The following PCDH15 variants were observed in gnomAD, a reference collection of about 807,000 sequenced individuals.
PCDH15 encodes the protein protocadherin related 15.
A neutral mutation model predicts 178.5 loss-of-function variants in PCDH15; 129 were observed. That is an observed-to-expected ratio of 0.72 (90% CI 0.63 to 0.84). PCDH15 has a LOEUF of 0.84. PCDH15 is among the 40% of genes least tolerant of loss of function. The pLI is 0.00. For missense variants in PCDH15, 2,230 were observed against 2,099.9 expected (o/e 1.06, Z -1.21); for synonymous variants, 800 against 732.0 (o/e 1.09, Z -1.50).
At chr10:55,443,258 G>A (rs11004864) in intron 2 of PCDH15, among the ~76,000 whole-genome samples, 47,075 of 151,930 alleles carry the variant, frequency 0.31, 7,522 homozygotes, top group African/African-American at 0.37. Context: ...AGCAAGAAAA[G>A]CATTTGCAAC....
intron 18 of PCDH15, among the ~76,000 whole-genome samples, chr10:54,028,381 G>A (rs1286932453): frequency 2.7e-5 from 4 of 148,870 alleles, no homozygotes; most frequent in African/African-American, 4.9e-5. Flanking sequence ...TCAGTGTGGC[G>A]ATTCCTCAGG....
chr10:54,403,934 G>T (rs576214021), intron 3 of PCDH15, among the ~76,000 whole-genome samples: 219 of 151,404 alleles, frequency 1.4e-3, no homozygotes, highest in South Asian at 4.4e-3. Context: ...CTCTACCAAA[G>T]AACTACAAAA....
At chr10:54,931,625 T>C (rs1426425680) in intron 2 of PCDH15, among the ~76,000 whole-genome samples, 1 of 152,200 alleles carries the variant, frequency 6.6e-6, no homozygotes, top group African/African-American at 2.4e-5. Context: ...TCCTGAACTT[T>C]AGGAAGTCCT....
chr10:55,035,081 TA>T (rs1313661236), intron 2 of PCDH15, among the ~76,000 whole-genome samples: 1 of 152,188 alleles, frequency 6.6e-6, no homozygotes, highest in Non-Finnish European at 1.5e-5. Flanking sequence ...AGATAGATAC[TA>T]TTTCAAATTA....
At chr10:54,612,580 TAAAAGTTTGAAAA>T (rs1156920368) in intron 2 of PCDH15, among the ~76,000 whole-genome samples, 1 of 151,748 alleles carries the variant, frequency 6.6e-6, no homozygotes, top group African/African-American at 2.4e-5. Context: ...AAACATAATC[TAAAAGTTTGAAAA>T]ACAAACTGCA....
intron 2 of PCDH15, among the ~76,000 whole-genome samples, chr10:55,080,936 G>A (rs1842025945): frequency 6.6e-6 from 1 of 152,088 alleles, no homozygotes. Context: ...ATGCAGAAAG[G>A]GAAAAGGAAC....
chr10:54,527,170 C>T (rs894644953), intron 3 of PCDH15, among the ~76,000 whole-genome samples: 3 of 151,910 alleles, frequency 2.0e-5, no homozygotes, highest in African/African-American at 4.8e-5. Context: ...TCTACATTAA[C>T]GTTCAGAGAG....
chr10:54,936,137 ATAACATGGGGTCTT>A (rs1837901172), intron 2 of PCDH15, among the ~76,000 whole-genome samples: 1 of 152,024 alleles, frequency 6.6e-6, no homozygotes, highest in Non-Finnish European at 1.5e-5. Flanking sequence ...GTGGACTCAT[ATAACATGGGGTCTT>A]TATATGACTG....
chr10:55,197,543 C>T lies in PCDH15; in HGVS notation c.-155-30892G>A, dbSNP rs376279939. On this transcript the variant is annotated intron_variant, in intron 1 of 5. Transcript: ENST00000458638. The stretch of plus-strand genomic sequence containing the variant: ...TTGAACCTTCAGATTCTTAAAAATG[C>T]CATAATGTCAGTATAACACAATAAT... 4.3e-4 allele frequency among the ~76,000 whole-genome samples: 66 copies of T among 152,152 alleles called. 1 individual carries two copies. The highest frequency in any genetic ancestry group is 1.5e-3 in the African/African-American group (64 of 41,500).
chr10:54,681,374 G>A (rs1170781805), intron 1 of PCDH15, among the ~76,000 whole-genome samples: 6 of 152,192 alleles, frequency 3.9e-5, no homozygotes, highest in Admixed American at 1.3e-4. Flanking sequence ...GCTATCTACG[G>A]AGGATGTACA....
intron 8 of PCDH15, among the ~76,000 whole-genome samples, chr10:54,258,894 C>T (rs941692596): frequency 1.3e-4 from 20 of 152,076 alleles, no homozygotes; most frequent in Non-Finnish European, 1.9e-4. Context: ...TTTTGTTTTT[C>T]GTTTTGCATT....
intron 1 of PCDH15, among the ~76,000 whole-genome samples, chr10:54,736,258 G>A (rs1388420736): frequency 6.6e-6 from 1 of 151,992 alleles, no homozygotes; most frequent in Non-Finnish European, 1.5e-5. Flanking sequence ...CATTTTAGTA[G>A]ACAATCCTTC....
chr10:55,611,729 A>G (rs1843370224), intron 2 of PCDH15, among the ~76,000 whole-genome samples: 1 of 152,136 alleles, frequency 6.6e-6, no homozygotes, highest in Non-Finnish European at 1.5e-5. Flanking sequence ...CATTATTCAC[A>G]ATAGCCAAGA....
chr10:53,925,805 G>A (rs2084488031), intron 25 of PCDH15, among the ~76,000 whole-genome samples: 1 of 152,104 alleles, frequency 6.6e-6, no homozygotes, highest in Admixed American at 6.5e-5. Flanking sequence ...GCTTATGGGA[G>A]GTCAAGAGAT....
intron 2 of PCDH15, among the ~76,000 whole-genome samples, chr10:54,996,560 G>T (rs921327190): frequency 2.0e-5 from 3 of 152,160 alleles, no homozygotes; most frequent in African/African-American, 7.2e-5. Flanking sequence ...CCTTCTTCAT[G>T]GTTGGTCTGT....
intron 1 of PCDH15, among the ~76,000 whole-genome samples, chr10:55,221,202 A>C (rs1430543498): frequency 6.6e-6 from 1 of 152,100 alleles, no homozygotes; most frequent in African/African-American, 2.4e-5. Flanking sequence ...GTCCAAGAAC[A>C]GGCAAAATTA....
intron 2 of PCDH15, among the ~76,000 whole-genome samples, chr10:55,549,097 T>G (rs1213667152): frequency 6.6e-6 from 1 of 152,090 alleles, no homozygotes; most frequent in Non-Finnish European, 1.5e-5. Flanking sequence ...TAACCAAACA[T>G]AGCTACAATT....
chr10:54,986,606 G>A (rs1169606560), intron 2 of PCDH15, among the ~76,000 whole-genome samples: 1 of 152,064 alleles, frequency 6.6e-6, no homozygotes, highest in Admixed American at 6.6e-5. Context: ...CATTATAAAG[G>A]TAGGAAAACT....
intron 3 of PCDH15, among the ~76,000 whole-genome samples, chr10:54,518,750 C>G (rs774356341): frequency 6.6e-6 from 1 of 152,070 alleles, no homozygotes; most frequent in South Asian, 2.1e-4. Flanking sequence ...CTGGCAGAGA[C>G]GCAACCAAAA....
Sources: allele counts gnomAD v4.1 joint callset (sites outside exome capture counted in the v4.1 genomes callset), GRCh38; gene constraint gnomAD v4.1.1; transcripts MANE v1.5; gene names NCBI Gene and HGNC (gene_info 2026-07-23, HGNC 2026-07-21).